The following FANCA variants were observed in gnomAD, a reference collection of about 807,000 sequenced individuals.
The protein encoded by FANCA is FA complementation group A, also known as Fanconi anemia group A protein.
A neutral mutation model predicts 194.3 loss-of-function variants in FANCA; 236 were observed. The observed-to-expected ratio is 1.21, with a 90% CI of 1.09 to 1.35. The LOEUF (loss-of-function observed/expected upper bound fraction) is 1.35, where lower values mean the gene tolerates loss of function less well. Among genes scored for constraint, FANCA ranks in the 40% most tolerant of loss-of-function variants. The pLI is 0.00. For synonymous variants in FANCA, 1,014 were observed against 715.8 expected (o/e 1.42, Z -6.65); for missense variants, 2,628 against 1,813.9 (o/e 1.45, Z -8.15).
chr16:89,738,940 A>G lies in FANCA; in HGVS notation c.4202T>C (p.Leu1401Pro). ...CCGAGGTATTAACTGCAGCAGAAAAAGACGAGCTTTTGTTATCAGTTCCAC... is the reference window on the plus strand; with the variant it reads ...CCGAGGTATTAACTGCAGCAGAAAAGGACGAGCTTTTGTTATCAGTTCCAC... The part of the protein sequence containing the change: ...NPVELITKAR[L>P]FLLQLIPRCP... The change falls in exon 42 of 43, where the codon CTT becomes CCT. Residue 1401 changes from leucine to proline, a missense_variant. Transcript: ENST00000389301. The G allele has an allele frequency of 6.2e-7, 1 of 1,614,276 alleles. No homozygotes were observed. The highest frequency in any genetic ancestry group is 1.1e-5 in the South Asian group (1 of 91,092).
chr16:89,767,205 CAG>C lies in FANCA; in HGVS notation c.2535_2536del (p.Cys846GlnfsTer20), dbSNP rs763378933. The C allele has an allele frequency of 8.7e-6, 14 of 1,613,502 alleles. No homozygotes were observed. Among genetic ancestry groups the C allele is most frequent in the Middle Eastern group, 1.6e-4 (1 of 6,084 alleles). ...ATCTCGTGACTGGGAAGAAAACTTG[CAG>C]AGAGAGTAAGAAATTGCTGCTGTAC... On this transcript the variant is annotated frameshift_variant, in exon 27 of 43. Transcript: ENST00000389301. LOFTEE classifies it high-confidence loss of function.
At position 89,771,800 on chromosome 16, in the gene FANCA, C is replaced by T. The variant is rs767396631; in HGVS notation, c.2029G>A (p.Val677Met). Residue 677 changes from valine (V) to methionine (M), a missense_variant, in exon 23 of 43, where the codon GTG becomes ATG. Physicochemically the swap from Val to Met is conservative, Grantham distance 21. Transcript: ENST00000389301. ...PSQRDVISAQ[V>M]AVISERLRAV... ...CTCAGTCTTTCAGAAATCACTGCCA[C>T]CTGTGCCGATATAACTGCGAAGGAA... 134 of 1,613,954 alleles carry T rather than the reference C, an allele frequency of 8.3e-5. No individual in the cohort carries two copies. The highest frequency in any genetic ancestry group is 3.4e-4 in the Middle Eastern group (2 of 5,888).
chr16:89,787,543 G>C (rs939875098), intron 14 of FANCA, among the ~76,000 whole-genome samples: 2 of 151,826 alleles, frequency 1.3e-5, no homozygotes, highest in Admixed American at 1.3e-4. Flanking sequence ...GACCAGCCAG[G>C]GCAACATAGT....
intron 30 of FANCA, among the ~76,000 whole-genome samples, chr16:89,758,157 C>T (rs943914492): frequency 1.3e-5 from 2 of 152,118 alleles, no homozygotes; most frequent in Non-Finnish European, 2.9e-5. Flanking sequence ...ACGCCCAGCC[C>T]GAAGTTGTCG....
At chr16:89,743,213 C>T (rs955890316) in intron 36 of FANCA, among the ~76,000 whole-genome samples, 3 of 152,176 alleles carry the variant, frequency 2.0e-5, no homozygotes, top group African/African-American at 7.2e-5. Context: ...GCCCTGTGCT[C>T]TTGGGCCCCA....
At chr16:89,788,441 C>T (rs1359312105) in intron 14 of FANCA, among the ~76,000 whole-genome samples, 1 of 150,874 alleles carries the variant, frequency 6.6e-6, no homozygotes, top group African/African-American at 2.4e-5. Flanking sequence ...ATCTCAAAAA[C>T]AAAACAAAAC....
At chr16:89,777,860 C>A (rs1024746860) in intron 20 of FANCA, among the ~76,000 whole-genome samples, 1 of 151,220 alleles carries the variant, frequency 6.6e-6, no homozygotes, top group South Asian at 2.1e-4. Flanking sequence ...GAAACATTTT[C>A]TTTCACTGAA....
intron 29 of FANCA, 23 bp from the exon 30 acceptor site, chr16:89,758,728 C>G (rs2038845507): frequency 6.2e-7 from 1 of 1,612,438 alleles, no homozygotes. Context: ...ACACTGCTAT[C>G]AATTCTGAGA....
chr16:89,740,638 A>AT, intron 38 of FANCA, 166 bp downstream of exon 38: 3 of 327,482 alleles, frequency 9.2e-6, no homozygotes, highest in Non-Finnish European at 1.7e-5. Context: ...CCCCATCTCA[A>AT]AAAAAAAAAA....
chr16:89,771,687 C>T lies in FANCA; in HGVS notation c.2142G>A (p.Arg714=), dbSNP rs1387853957. The T allele has an allele frequency of 2.5e-6, 4 of 1,614,012 alleles. No individual in the cohort carries two copies. The highest frequency in any genetic ancestry group is 3.4e-6 in the Non-Finnish European group (4 of 1,180,030). ...GAGCCCCTACACCTACCATGTGTTC[C>T]CGTGGCTCCAGTCTCGGCGTGTTGA... ...LSINTPRLEP[R]EHMAVDLLLT... Residue 714 remains arginine, a synonymous_variant, in exon 23 of 43, where the codon CGG becomes CGA. Transcript: ENST00000389301.
chr16:89,752,159 C>G lies in FANCA; in HGVS notation c.3045G>C (p.Glu1015Asp), dbSNP rs147661788. The change falls in exon 31 of 43, where the codon GAG (glutamate) becomes GAC (aspartate). Residue 1015 changes from glutamate to aspartate, a missense_variant. Glu to Asp is a conservative substitution (Grantham distance 45, BLOSUM62 2). Coordinates refer to ENST00000389301, the MANE Select transcript of FANCA (RefSeq NM_000135.4). The part of the protein sequence containing the change: ...DLVFGGRTGN[E>D]DIISRLQEMV... ...TCACCTGCAATCTGGAAATAATATC[C>G]TCATTTCCTGTGCGGCCACCAAAGA... The G allele has an allele frequency of 1.9e-6, 3 of 1,614,014 alleles. No individual in the cohort carries two copies. The highest frequency in any genetic ancestry group is 1.3e-5 in the African/African-American group (1 of 75,020).
At chr16:89,797,037 G>A (rs1386540863) in intron 10 of FANCA, among the ~76,000 whole-genome samples, 18 of 152,258 alleles carry the variant, frequency 1.2e-4, no homozygotes, top group Non-Finnish European at 2.2e-4. Context: ...GTGGGCACCT[G>A]TAGTTCCAGC....
At chr16:89,781,441 A>C (rs565264871) in intron 17 of FANCA, among the ~76,000 whole-genome samples, 156 of 151,058 alleles carry the variant, frequency 1.0e-3, no homozygotes, top group African/African-American at 3.5e-3. Flanking sequence ...TGGGAGGCCA[A>C]GGCGGGCAGA....
intron 10 of FANCA, 171 bp downstream of exon 10, chr16:89,798,995 C>T: frequency 6.2e-7 from 1 of 1,614,060 alleles, no homozygotes; most frequent in Non-Finnish European, 8.5e-7. Flanking sequence ...AGAGCGTTCC[C>T]CGGGCTTTCC....
chr16:89,758,489 G>T (rs1046634276), intron 30 of FANCA, 88 bp downstream of exon 30: 125 of 1,521,772 alleles, frequency 8.2e-5, no homozygotes, highest in Non-Finnish European at 1.1e-4. Flanking sequence ...TAATTAGATG[G>T]GCACCAGCAT....
Position 89,743,109 on chromosome 16 carries a change from A to G in FANCA, c.3627-171T>C, listed in dbSNP as rs190350224. The stretch of plus-strand genomic sequence containing the variant: ...GGTCTGCATCCCCCAGGTCCACGTG[A>G]GAGTGTGGGCAGGTGCTGGTGCTGC... On this transcript the variant is annotated intron_variant, in intron 36 of 42. Coordinates refer to ENST00000389301, the MANE Select transcript of FANCA (RefSeq NM_000135.4). Among the ~76,000 whole-genome samples the G allele has an allele frequency of 2.0e-5, 3 of 152,336 alleles. No homozygotes were observed. The East Asian group carries it at 5.8e-4, about 29-fold the overall frequency.
rs144704750 is a variant in FANCA, at chr16:89,778,964, G to A, written c.1755C>T (p.Pro585=). Residue 585 remains proline (P), a synonymous_variant, in exon 19 of 43, where the codon CCC becomes CCT. Coordinates refer to ENST00000389301, the MANE Select transcript of FANCA (RefSeq NM_000135.4). ...TGACCACTCGAGGTGTGAGCAGGGC[G>A]GGGAGGAAGTGGGACACGTAGTAAG... The part of the protein sequence containing the change: ...RRPYYVSHFL[P]ALLTPRVLPK... 15 of 1,613,990 alleles carry A rather than the reference G, an allele frequency of 9.3e-6. No individual in the cohort carries two copies. The highest frequency in any genetic ancestry group is 5.0e-5 in the Admixed American group (3 of 59,996).
At chr16:89,811,220 A>G in intron 3 of FANCA, 149 bp from the exon 4 acceptor site, 1 of 961,454 alleles carries the variant, frequency 1.0e-6, no homozygotes, top group South Asian at 1.4e-5. Flanking sequence ...AGGGAAAAAC[A>G]TGAGATAAAA....
chr16:89,807,184 CTTT>C (rs1011419652), intron 6 of FANCA, among the ~76,000 whole-genome samples: 2 of 134,368 alleles, frequency 1.5e-5, no homozygotes, highest in South Asian at 2.4e-4. Flanking sequence ...GCAGGTTTTT[CTTT>C]TTTTTTTTTT....
Sources: gnomAD v4.1 joint callset for allele counts (sites outside exome capture counted in the v4.1 genomes callset) on GRCh38, gnomAD v4.1.1 for gene constraint, MANE v1.5 for transcripts, NCBI Gene and HGNC (gene_info 2026-07-23, HGNC 2026-07-21) for gene names.